Variants in LRP1B observed in about 807,000 individuals in gnomAD.
The protein encoded by LRP1B is low-density lipoprotein receptor-related protein 1B.
Under a neutral mutation model 556.6 loss-of-function variants are expected in LRP1B, and 217 were observed. The observed-to-expected ratio is 0.39, with a 90% CI of 0.35 to 0.44. The LOEUF is 0.44. Among genes scored for constraint, LRP1B ranks in the 20% least tolerant of loss-of-function variants. The probability of loss-of-function intolerance (pLI) is 1.00; values close to 1 mark genes in which losing one functional copy is unlikely to be tolerated. For missense variants in LRP1B, 5,053 were observed against 5,620.8 expected (o/e 0.90, Z 3.23); for synonymous variants, 2,047 against 1,865.8 (o/e 1.10, Z -2.50).
rs201676715 is a variant in LRP1B, at chr2:141,714,447, C to CTT, written c.205+95831_205+95832insAA. 2.5e-3 allele frequency among the ~76,000 whole-genome samples: 341 copies of CTT among 134,988 alleles called. 4 individuals carry two copies. The highest frequency in any genetic ancestry group is 0.015 in the Admixed American group (208 of 13,812). The allele number at this position is 134,988 out of a possible 152,430, so 88.6% of individuals were successfully genotyped here. ...CCTTGAAGCAACTTGTCTCTGTAGGCTCTTTTTTTTTTTTCCTATATTTTA... is the reference window on the plus strand; with the variant it reads ...CCTTGAAGCAACTTGTCTCTGTAGGCTTTCTTTTTTTTTTTTCCTATATTTTA... On this transcript the variant is annotated intron_variant, in intron 2 of 90. Transcript: ENST00000389484.
intron 7 of LRP1B, among the ~76,000 whole-genome samples, chr2:141,065,847 G>C: frequency 6.6e-6 from 1 of 151,738 alleles, no homozygotes. Flanking sequence ...CCCGCACCAG[G>C]AACCAAGGGC....
intron 1 of LRP1B, among the ~76,000 whole-genome samples, chr2:141,821,457 G>A (rs1166246609): frequency 6.6e-6 from 1 of 152,036 alleles, no homozygotes; most frequent in Non-Finnish European, 1.5e-5. Context: ...GATGTCAAAT[G>A]TCAGTCCCAA....
intron 2 of LRP1B, among the ~76,000 whole-genome samples, chr2:141,602,703 A>C (rs1687791337): frequency 6.6e-6 from 1 of 152,106 alleles, no homozygotes; most frequent in Non-Finnish European, 1.5e-5. Context: ...CTTTCTCCTA[A>C]TATCCCCAAG....
At chr2:140,994,172 T>C (rs763294066) in intron 15 of LRP1B, 37 bp from the exon 16 acceptor site, 3 of 1,582,656 alleles carry the variant, frequency 1.9e-6, no homozygotes, top group Non-Finnish European at 2.6e-6. Flanking sequence ...TGAATAATGC[T>C]AGCTACAGTC....
intron 43 of LRP1B, among the ~76,000 whole-genome samples, chr2:140,582,327 C>A (rs1049148481): frequency 1.3e-5 from 2 of 151,816 alleles, no homozygotes; most frequent in Non-Finnish European, 2.9e-5. Context: ...TAAAAGCCCC[C>A]TAAGGGATGC....
chr2:142,039,543 G>A (rs1420027897), intron 1 of LRP1B, among the ~76,000 whole-genome samples: 1 of 151,456 alleles, frequency 6.6e-6, no homozygotes, highest in Non-Finnish European at 1.5e-5. Context: ...AAATAAGGCA[G>A]TAAATACAGC....
intron 7 of LRP1B, among the ~76,000 whole-genome samples, chr2:141,162,385 CT>C (rs1680074474): frequency 6.6e-6 from 1 of 152,098 alleles, no homozygotes; most frequent in South Asian, 2.1e-4. Flanking sequence ...GATCTTTTGT[CT>C]TTTAGAACAG....
chr2:141,886,956 TTC>T (rs747135243), intron 1 of LRP1B, among the ~76,000 whole-genome samples: 74 of 93,798 alleles, frequency 7.9e-4, no homozygotes, highest in Non-Finnish European at 8.4e-4. Context: ...TGGTTGATTT[TTC>T]TTTTTCTTTT....
chr2:141,797,555 C>T (rs1206552622), intron 2 of LRP1B, among the ~76,000 whole-genome samples: 2 of 152,038 alleles, frequency 1.3e-5, no homozygotes, highest in African/African-American at 4.8e-5. Flanking sequence ...TTCAAATTCA[C>T]ATAACATAAG....
chr2:140,804,658 T>TTC (rs1690649657), intron 32 of LRP1B, among the ~76,000 whole-genome samples: 1 of 146,368 alleles, frequency 6.8e-6, no homozygotes, highest in African/African-American at 2.5e-5. Context: ...AATTTTTTTT[T>TTC]TTTTTTTTTT....
At chr2:140,908,510 G>A (rs868378778) in intron 21 of LRP1B, among the ~76,000 whole-genome samples, 3 of 151,246 alleles carry the variant, frequency 2.0e-5, no homozygotes, top group Non-Finnish European at 2.9e-5. Flanking sequence ...GAATGCTATC[G>A]GTGCCTGTCA....
Position 141,018,662 on chromosome 2 carries a change from A to G in LRP1B, c.1970+1260T>C, listed in dbSNP as rs1421784551. Among the ~76,000 whole-genome samples, 4 of 152,152 alleles carry G rather than the reference A, an allele frequency of 2.6e-5. No individual in the cohort carries two copies. In the East Asian group the frequency reaches 7.7e-4, roughly 29 times the overall value. ...GAAAACATTTTCTCTAACAACAGTG[A>G]GAAAGAAGATGCTGTTTTAAGATAG... is the stretch of plus-strand genomic sequence containing the variant. On this transcript the variant is annotated intron_variant, in intron 12 of 90. Coordinates refer to ENST00000389484, the MANE Select transcript of LRP1B (RefSeq NM_018557.3).
At chr2:140,521,573 C>A (rs1029154750) in intron 49 of LRP1B, among the ~76,000 whole-genome samples, 20 of 151,874 alleles carry the variant, frequency 1.3e-4, no homozygotes, top group African/African-American at 4.8e-4. Context: ...ATGATACTAC[C>A]ACAAAAGAAC....
chr2:140,819,903 C>A (rs1264456981), intron 31 of LRP1B, among the ~76,000 whole-genome samples: 1 of 152,172 alleles, frequency 6.6e-6, no homozygotes, highest in Non-Finnish European at 1.5e-5. Flanking sequence ...TAAAATTCAG[C>A]ACACTAATGC....
At chr2:141,030,685 C>T (rs1207138716) in intron 11 of LRP1B, among the ~76,000 whole-genome samples, 1 of 151,992 alleles carries the variant, frequency 6.6e-6, no homozygotes, top group Non-Finnish European at 1.5e-5. Context: ...CATCACCACA[C>T]ATTAAATGTC....
At chr2:140,889,392 CTTAAGAAA>C (rs2105198387) in intron 23 of LRP1B, among the ~76,000 whole-genome samples, 1 of 152,254 alleles carries the variant, frequency 6.6e-6, no homozygotes, top group Admixed American at 6.5e-5. Context: ...GCCTCCCAGC[CTTAAGAAA>C]TTCTCATGCC....
chr2:140,946,853 A>G (rs1461695094), intron 20 of LRP1B, among the ~76,000 whole-genome samples: 1 of 152,182 alleles, frequency 6.6e-6, no homozygotes, highest in Non-Finnish European at 1.5e-5. Context: ...ATAAAAAGGA[A>G]CAAATTATGT....
chr2:140,856,393 C>T (rs1434886729), intron 27 of LRP1B, among the ~76,000 whole-genome samples: 6 of 152,300 alleles, frequency 3.9e-5, no homozygotes, highest in Non-Finnish European at 5.9e-5. Flanking sequence ...AGCAATTAGA[C>T]AATTTATTGC....
intron 29 of LRP1B, among the ~76,000 whole-genome samples, chr2:140,844,902 A>T (rs1305288150): frequency 6.6e-6 from 1 of 152,180 alleles, no homozygotes; most frequent in Non-Finnish European, 1.5e-5. Context: ...TTATAGAGAC[A>T]AATACTTGTG....
Sources: allele counts gnomAD v4.1 joint callset (sites outside exome capture counted in the v4.1 genomes callset), GRCh38; gene constraint gnomAD v4.1.1; transcripts MANE v1.5; gene names NCBI Gene and HGNC (gene_info 2026-07-23, HGNC 2026-07-21).